The following KCNN2 variants were observed in gnomAD, a reference collection of about 807,000 sequenced individuals.
KCNN2 encodes the protein potassium calcium-activated channel subfamily N member 2.
A neutral mutation model predicts 55.5 loss-of-function variants in KCNN2; 24 were observed. That is an observed-to-expected ratio of 0.43 (90% CI 0.31 to 0.61). The LOEUF is 0.61. Among genes scored for constraint, KCNN2 ranks in the 20% least tolerant of loss-of-function variants. The pLI, the probability that KCNN2 is intolerant of heterozygous loss-of-function variation, is 0.08. For missense variants in KCNN2, 754 were observed against 853.6 expected (o/e 0.88, Z 1.45); for synonymous variants, 431 against 336.1 (o/e 1.28, Z -3.09).
At chr5:114,386,392 G>GA (rs148607147) in intron 2 of KCNN2, among the ~76,000 whole-genome samples, 4,525 of 152,044 alleles carry the variant, frequency 0.03, 204 homozygotes, top group African/African-American at 0.1. Context: ...GATATAAGCA[G>GA]AAAAAACAAT....
At chr5:114,307,188 G>C (rs1354810534) in intron 2 of KCNN2, among the ~76,000 whole-genome samples, 2 of 152,070 alleles carry the variant, frequency 1.3e-5, no homozygotes, top group Non-Finnish European at 2.9e-5. Context: ...GGTGTCATTG[G>C]GTTATCTCAA....
chr5:114,147,623 C>G lies in KCNN2; in HGVS notation c.-270-73857C>G, dbSNP rs552255373. On this transcript the variant is annotated intron_variant, in intron 1 of 10. Transcript: ENST00000512097. Reference sequence around the variant, plus strand: ...ACTCATTGTTCTACAAAAGACAACTCTTTTTCTGCTGGTTCAGATAGACAG... The same window carrying G: ...ACTCATTGTTCTACAAAAGACAACTGTTTTTCTGCTGGTTCAGATAGACAG... Among the ~76,000 whole-genome samples the G allele has an allele frequency of 3.3e-5, 5 of 152,254 alleles. 1 individual carries two copies. In the South Asian group the frequency reaches 1.0e-3, roughly 32 times the overall value.
At chr5:114,341,764 T>C (rs1757019766) in intron 2 of KCNN2, among the ~76,000 whole-genome samples, 1 of 152,204 alleles carries the variant, frequency 6.6e-6, no homozygotes, top group African/African-American at 2.4e-5. Flanking sequence ...TCTGGACTTT[T>C]CTATCCTTAG....
chr5:114,115,298 A>G (rs1233112087), intron 1 of KCNN2, among the ~76,000 whole-genome samples: 1 of 152,160 alleles, frequency 6.6e-6, no homozygotes, highest in East Asian at 1.9e-4. Flanking sequence ...CTTTTTAAGC[A>G]TTGTATTGAA....
At chr5:114,455,091 G>T (rs1035914003) in intron 3 of KCNN2, among the ~76,000 whole-genome samples, 2 of 151,644 alleles carry the variant, frequency 1.3e-5, no homozygotes, top group Non-Finnish European at 2.9e-5. Flanking sequence ...TGTTACTTCA[G>T]TGGTTCCTTT....
chr5:114,236,571 A>G (rs946150415), intron 2 of KCNN2, among the ~76,000 whole-genome samples: 4 of 152,148 alleles, frequency 2.6e-5, no homozygotes, highest in African/African-American at 4.8e-5. Context: ...TACTAAAGTA[A>G]AAGCTGAGAT....
intron 2 of KCNN2, among the ~76,000 whole-genome samples, chr5:114,308,988 C>A (rs980326779): frequency 6.6e-6 from 1 of 152,080 alleles, no homozygotes; most frequent in African/African-American, 2.4e-5. Flanking sequence ...TTATTTACTC[C>A]GTGACTCAAA....
intron 2 of KCNN2, among the ~76,000 whole-genome samples, chr5:114,260,498 C>G (rs1755083960): frequency 6.6e-6 from 1 of 152,178 alleles, no homozygotes. Context: ...TGTAAATTTA[C>G]ATGTGTAAAC....
At chr5:114,373,640 T>TATATATATATATATATATATATATATA (rs1757831920) in intron 2 of KCNN2, among the ~76,000 whole-genome samples, 1 of 56,710 alleles carries the variant, frequency 1.8e-5, no homozygotes, top group African/African-American at 5.3e-5. Flanking sequence ...TATGAAGATT[T>TATATATATATATATATATATATATATA]TATATATATA....
chr5:114,144,268 T>C (rs1288331137), intron 1 of KCNN2, among the ~76,000 whole-genome samples: 1 of 152,222 alleles, frequency 6.6e-6, no homozygotes. Flanking sequence ...CTCATAATTC[T>C]ATCTCCCATC....
chr5:114,100,610 A>C (rs540117877), intron 1 of KCNN2, among the ~76,000 whole-genome samples: 1 of 151,996 alleles, frequency 6.6e-6, no homozygotes. Context: ...GTGTGTATGT[A>C]TGTGCTCTGC....
chr5:114,097,025 G>T (rs1055731875), intron 1 of KCNN2, among the ~76,000 whole-genome samples: 2 of 152,102 alleles, frequency 1.3e-5, no homozygotes, highest in African/African-American at 4.8e-5. Flanking sequence ...TAAAGGAGCA[G>T]AGATTTGAAC....
intron 1 of KCNN2, among the ~76,000 whole-genome samples, chr5:114,112,633 G>A (rs542494726): frequency 6.6e-6 from 1 of 151,926 alleles, no homozygotes; most frequent in South Asian, 2.1e-4. Context: ...ACTGAATAAA[G>A]CAGTTAATCT....
At chr5:114,466,628 G>C (rs1421222911) in intron 4 of KCNN2, among the ~76,000 whole-genome samples, 3 of 151,858 alleles carry the variant, frequency 2.0e-5, no homozygotes, top group Admixed American at 6.6e-5. Context: ...TGTTCTTTTT[G>C]CTTCTCTATT....
rs569906990 is a variant in KCNN2, at chr5:114,487,264, A to G, written c.2018+87A>G. On this transcript the variant is annotated intron_variant, in intron 6 of 7. Transcript: ENST00000673685. ...GTTTATTCTTGTTTCATAAGGAAGG[A>G]AAAAAGAAAACATTGTCATGTTTAT... 3.5e-5 allele frequency: 42 copies of G among 1,212,248 alleles called. No homozygotes were observed. The East Asian group carries it at 4.3e-4, about 12-fold the overall frequency. The allele number at this position is 1,212,248 out of a possible 1,614,324, so 75.1% of individuals were successfully genotyped here. A position where few individuals can be genotyped will look rare whatever the true frequency, so the allele number is the denominator to read the frequency against.
chr5:114,316,184 T>C (rs1756496706), intron 2 of KCNN2, among the ~76,000 whole-genome samples: 1 of 152,190 alleles, frequency 6.6e-6, no homozygotes, highest in African/African-American at 2.4e-5. Flanking sequence ...TTCTGACTTA[T>C]AGGAGATGCA....
At chr5:114,092,922 G>C (rs1843794) in intron 1 of KCNN2, among the ~76,000 whole-genome samples, 1 of 152,164 alleles carries the variant, frequency 6.6e-6, no homozygotes, top group East Asian at 1.9e-4. Flanking sequence ...AAGGGCTGCC[G>C]TGAAGACCTC....
At chr5:114,374,922 T>G (rs568529735) in intron 2 of KCNN2, among the ~76,000 whole-genome samples, 1 of 152,308 alleles carries the variant, frequency 6.6e-6, no homozygotes, top group East Asian at 1.9e-4. Context: ...GTTTGACCAC[T>G]GTGACTTTAT....
chr5:114,067,363 G>C (rs1164194507), intron 1 of KCNN2, among the ~76,000 whole-genome samples: 2 of 152,182 alleles, frequency 1.3e-5, no homozygotes, highest in Non-Finnish European at 2.9e-5. Context: ...TGGCTCAGTT[G>C]AAACTGATGA....
Sources: gnomAD v4.1 joint callset for allele counts (sites outside exome capture counted in the v4.1 genomes callset) on GRCh38, gnomAD v4.1.1 for gene constraint, MANE v1.5 for transcripts, NCBI Gene and HGNC (gene_info 2026-07-23, HGNC 2026-07-21) for gene names.